PCSK5: variants seen among roughly 807,000 people sequenced by gnomAD.
PCSK5 encodes the protein proprotein convertase subtilisin/kexin type 5.
Under a neutral mutation model 233.2 loss-of-function variants are expected in PCSK5, and 129 were observed. That is an observed-to-expected ratio of 0.55 (90% confidence interval 0.48 to 0.64). PCSK5 has a LOEUF of 0.64. Among genes scored for constraint, PCSK5 ranks in the 30% least tolerant of loss-of-function variants. The pLI is 0.00. For synonymous variants in PCSK5, 825 were observed against 879.2 expected (o/e 0.94, Z 1.09); for missense variants, 2,076 against 2,430.1 (o/e 0.85, Z 3.06).
At chr9:76,092,579 C>T (rs1312281002) in intron 7 of PCSK5, among the ~76,000 whole-genome samples, 1 of 152,060 alleles carries the variant, frequency 6.6e-6, no homozygotes, top group African/African-American at 2.4e-5. Flanking sequence ...TTATTTTTTT[C>T]TTAGAGACAA....
intron 24 of PCSK5, among the ~76,000 whole-genome samples, chr9:76,245,029 T>C (rs1237028701): frequency 1.3e-5 from 2 of 152,178 alleles, no homozygotes; most frequent in Non-Finnish European, 2.9e-5. Flanking sequence ...GTAAATGGAG[T>C]AACTTTTACC....
At chr9:76,276,027 T>C (rs1827678420) in intron 24 of PCSK5, among the ~76,000 whole-genome samples, 1 of 152,186 alleles carries the variant, frequency 6.6e-6, no homozygotes, top group Non-Finnish European at 1.5e-5. Context: ...TGCTGGGTGC[T>C]CCTCTTCTCC....
intron 25 of PCSK5, among the ~76,000 whole-genome samples, chr9:76,293,666 G>A (rs1828346383): frequency 6.6e-6 from 1 of 152,174 alleles, no homozygotes; most frequent in Non-Finnish European, 1.5e-5. Flanking sequence ...GCCAGGCTCT[G>A]TTAAACTTTG....
chr9:75,896,926 C>T (rs749373874), intron 1 of PCSK5, among the ~76,000 whole-genome samples: 1 of 152,118 alleles, frequency 6.6e-6, no homozygotes, highest in South Asian at 2.1e-4. Context: ...ACAATCAATA[C>T]CAATAAACTC....
At chr9:76,123,123 C>T (rs916177638) in intron 9 of PCSK5, among the ~76,000 whole-genome samples, 3 of 152,168 alleles carry the variant, frequency 2.0e-5, no homozygotes, top group Non-Finnish European at 1.5e-5. Flanking sequence ...GGATTACAGA[C>T]GTGAGCCACT....
chr9:76,125,319 C>T (rs11144756), intron 9 of PCSK5, among the ~76,000 whole-genome samples: 11 of 151,888 alleles, frequency 7.2e-5, no homozygotes, highest in Non-Finnish European at 1.6e-4. Context: ...AGAGGCTGAA[C>T]GTCCAGTCCC....
At chr9:75,974,251 C>A (rs1026393670) in intron 2 of PCSK5, among the ~76,000 whole-genome samples, 1 of 152,106 alleles carries the variant, frequency 6.6e-6, no homozygotes. Flanking sequence ...GTAGGGCTGG[C>A]GTAGGACCGA....
At chr9:76,045,196 A>G (rs1829322394) in intron 5 of PCSK5, among the ~76,000 whole-genome samples, 1 of 152,206 alleles carries the variant, frequency 6.6e-6, no homozygotes, top group Non-Finnish European at 1.5e-5. Flanking sequence ...GAATACAGTA[A>G]TTATCGTGAT....
At chr9:76,222,534 T>C (rs1477766554) in intron 20 of PCSK5, among the ~76,000 whole-genome samples, 4 of 152,170 alleles carry the variant, frequency 2.6e-5, no homozygotes, top group Non-Finnish European at 4.4e-5. Context: ...GAAACTACAA[T>C]TCTACTTTGT....
chr9:76,193,121 A>C, intron 20 of PCSK5: 1 of 816,660 alleles, frequency 1.2e-6, no homozygotes, highest in Non-Finnish European at 1.9e-6. Flanking sequence ...CTCCTGAATG[A>C]TCTCTTCCAA....
At chr9:76,223,802 A>G (rs1825800823) in intron 20 of PCSK5, among the ~76,000 whole-genome samples, 1 of 152,194 alleles carries the variant, frequency 6.6e-6, no homozygotes, top group African/African-American at 2.4e-5. Context: ...TGCCTGTCAT[A>G]AACATTCAGC....
rs531729473 is a variant in PCSK5, at chr9:75,916,641, C to T, written c.193-15738C>T. Among the ~76,000 whole-genome samples the T allele has an allele frequency of 5.9e-5, 9 of 151,876 alleles. No individual in the cohort carries two copies. In the South Asian group the frequency reaches 1.3e-3, roughly 21 times the overall value. ...TTCCAGGCAGATGGGGCAGCAAGTG[C>T]GAGGGTTCTGAGGCTGGAAGGAAGG... On this transcript the variant is annotated intron_variant, in intron 1 of 37. Coordinates refer to ENST00000674117, the MANE Select transcript of PCSK5 (RefSeq NM_001372043.1).
chr9:76,173,496 CTTTTTTTT>C (rs59248860), intron 13 of PCSK5, among the ~76,000 whole-genome samples: 13 of 61,004 alleles, frequency 2.1e-4, no homozygotes, highest in Admixed American at 8.0e-4. Flanking sequence ...GGCACGTTTC[CTTTTTTTT>C]TTTTTTTTTT....
intron 5 of PCSK5, among the ~76,000 whole-genome samples, chr9:76,056,001 T>C (rs1488815512): frequency 3.3e-5 from 5 of 152,278 alleles, no homozygotes; most frequent in Middle Eastern, 3.4e-3. Flanking sequence ...TCCTCTCTCC[T>C]TCTAAGAGGG....
At chr9:76,191,990 A>C (rs1188372855) in intron 20 of PCSK5, among the ~76,000 whole-genome samples, 1 of 150,134 alleles carries the variant, frequency 6.7e-6, no homozygotes, top group Non-Finnish European at 1.5e-5. Context: ...GAAGCATGAG[A>C]ATCACTTGAA....
intron 9 of PCSK5, among the ~76,000 whole-genome samples, chr9:76,124,468 C>T (rs894246601): frequency 1.3e-5 from 2 of 151,896 alleles, no homozygotes; most frequent in African/African-American, 2.4e-5. Flanking sequence ...AAGAAGTGGC[C>T]GGGTGCAGTG....
At chr9:76,015,364 C>G (rs1226904522) in intron 3 of PCSK5, among the ~76,000 whole-genome samples, 1 of 152,154 alleles carries the variant, frequency 6.6e-6, no homozygotes, top group Non-Finnish European at 1.5e-5. Flanking sequence ...ACAGACATAT[C>G]CAGAAATACT....
At chr9:76,175,320 C>T (rs72738791) in intron 14 of PCSK5, 191 bp downstream of exon 14, 40,803 of 477,062 alleles carry the variant, frequency 0.086, 1,707 homozygotes, top group South Asian at 0.16. Flanking sequence ...TAGAACAGAA[C>T]AGAATAGAAT....
At chr9:76,304,351 G>C (rs1828709340) in intron 28 of PCSK5, among the ~76,000 whole-genome samples, 1 of 152,160 alleles carries the variant, frequency 6.6e-6, no homozygotes, top group Non-Finnish European at 1.5e-5. Context: ...TTTGAATCTA[G>C]TTTCATCTAT....
Sources: gnomAD v4.1 joint callset for allele counts (sites outside exome capture counted in the v4.1 genomes callset) on GRCh38, gnomAD v4.1.1 for gene constraint, MANE v1.5 for transcripts, NCBI Gene and HGNC (gene_info 2026-07-23, HGNC 2026-07-21) for gene names.